Variants in GABRG1 observed in about 807,000 individuals in gnomAD.
The protein encoded by GABRG1 is gamma-aminobutyric acid type A receptor subunit gamma1.
GABRG1 carries 49 observed loss-of-function variants against 49.8 expected under a neutral mutation model. The ratio of observed to expected loss-of-function variants is 0.98; its 90% CI spans 0.78 to 1.25. The LOEUF is 1.25. Ranked by LOEUF, GABRG1 falls within the 50% of genes most tolerant of loss-of-function variation. GABRG1 has a pLI of 0.00. For synonymous variants in GABRG1, 232 were observed against 185.1 expected (o/e 1.25, Z -2.06); for missense variants, 552 against 552.3 (o/e 1.00, Z 0.01).
In GABRG1 at chr4:46,123,790, A is replaced by C; in HGVS notation, c.104+20T>G. 1 of 1,564,090 alleles carries C rather than the reference A, an allele frequency of 6.4e-7. No homozygotes were observed. On this transcript the variant is annotated intron_variant, in intron 1 of 8. Coordinates refer to ENST00000295452, the MANE Select transcript of GABRG1 (RefSeq NM_173536.4). ...GGGGTAGATAGCAAAGAATAGTTTTAAACCCCTGAATTTACTCACCAGTTT... is the reference window on the plus strand; with the variant it reads ...GGGGTAGATAGCAAAGAATAGTTTTCAACCCCTGAATTTACTCACCAGTTT...
At chr4:46,106,288 T>G (rs1312712872) in intron 1 of GABRG1, among the ~76,000 whole-genome samples, 1 of 151,398 alleles carries the variant, frequency 6.6e-6, no homozygotes, top group African/African-American at 2.4e-5. Flanking sequence ...TCACCAAGAC[T>G]GCCCCATCCC....
Position 46,041,030 on chromosome 4 carries a change from G to T in GABRG1, c.1356C>A (p.Ala452=). 2 of 1,612,698 alleles carry T rather than the reference G, an allele frequency of 1.2e-6. No individual in the cohort carries two copies. Among genetic ancestry groups the T allele is most frequent in the Non-Finnish European group, 1.7e-6 (2 of 1,179,162 alleles). ...CAACCCAATAAACCAAGTTGAACAG[G>T]GCAAAAGCGGTTGGGAAAAATATTC... ...YSRIFFPTAF[A]LFNLVYWVGY... is the part of the protein sequence containing the mutation. Residue 452 remains alanine (A), a synonymous_variant, in exon 9 of 9, where the codon GCC becomes GCA. Coordinates refer to ENST00000295452, the MANE Select transcript of GABRG1 (RefSeq NM_173536.4).
intron 3 of GABRG1, among the ~76,000 whole-genome samples, chr4:46,075,557 C>T (rs1290383274): frequency 6.6e-6 from 1 of 151,954 alleles, no homozygotes; most frequent in Admixed American, 6.6e-5. Context: ...AATCCCCTGG[C>T]CTGAGAACTT....
At chr4:46,088,998 A>G (rs529135953) in intron 2 of GABRG1, among the ~76,000 whole-genome samples, 27 of 152,056 alleles carry the variant, frequency 1.8e-4, no homozygotes, top group Admixed American at 2.6e-4. Context: ...AAGAAGAAAA[A>G]GCAGAGGAAG....
chr4:46,093,407 C>T (rs1339514740), intron 2 of GABRG1, among the ~76,000 whole-genome samples: 4 of 151,880 alleles, frequency 2.6e-5, no homozygotes, highest in Non-Finnish European at 4.4e-5. Flanking sequence ...AAAATCAAAA[C>T]AATTGAACTC....
At position 46,095,534 on chromosome 4, in the gene GABRG1, G is replaced by GA. The variant is rs61196786; in HGVS notation, c.253+1666dup. ...AAAAAATCCTAAAGGCTTCCAGGAG[G>GA]AAAAAAAAAGACTAAGTAAATTACA... On this transcript the variant is annotated intron_variant, in intron 2 of 8. Coordinates refer to ENST00000295452, the MANE Select transcript of GABRG1 (RefSeq NM_173536.4). Among the ~76,000 whole-genome samples the GA allele has an allele frequency of 4.4e-4, 66 of 149,212 alleles. 1 individual carries two copies. In the South Asian group the frequency reaches 7.8e-3, roughly 18 times the overall value.
intron 1 of GABRG1, among the ~76,000 whole-genome samples, chr4:46,117,623 T>A (rs181289076): frequency 6.9e-6 from 1 of 144,916 alleles, no homozygotes; most frequent in South Asian, 2.1e-4. Context: ...TATATATATA[T>A]ACACATATGT....
At position 46,035,904 on chromosome 4, in the gene GABRG1, C is replaced by T. The variant is rs1275963782; in HGVS notation, c.*5084G>A. On this transcript the variant is annotated 3_prime_UTR_variant, in exon 9 of 9. Transcript: ENST00000295452. ...ACAAATGTTCCTCAAAACAATGAGG[C>T]AGTAGCAGAATAACAGAAGCCATTA... The T allele has an allele frequency of 1.3e-5, 2 of 151,826 alleles. No individual in the cohort carries two copies. The highest frequency in any genetic ancestry group is 2.9e-5 in the Non-Finnish European group (2 of 67,854). The allele number at this position is 151,826 out of a possible 1,614,324, so 9.4% of individuals were successfully genotyped here.
At chr4:46,043,194 T>A (rs904449345) in intron 8 of GABRG1, among the ~76,000 whole-genome samples, 2 of 151,956 alleles carry the variant, frequency 1.3e-5, no homozygotes, top group Non-Finnish European at 2.9e-5. Context: ...ATATGGTGTG[T>A]TTTTCAGAGG....
chr4:46,043,197 T>C (rs1454658002), intron 8 of GABRG1, among the ~76,000 whole-genome samples: 4 of 151,966 alleles, frequency 2.6e-5, no homozygotes, highest in African/African-American at 7.2e-5. Context: ...TGGTGTGTTT[T>C]TCAGAGGATA....
At chr4:46,123,348 C>T (rs905753980) in intron 1 of GABRG1, among the ~76,000 whole-genome samples, 1 of 151,920 alleles carries the variant, frequency 6.6e-6, no homozygotes, top group African/African-American at 2.4e-5. Context: ...CAGAAAGTTA[C>T]CAAAAACGAG....
intron 3 of GABRG1, among the ~76,000 whole-genome samples, chr4:46,070,249 TCTGCATCATGCTCAATCAACATTTCCTA>T (rs1577646131): frequency 6.6e-6 from 1 of 151,994 alleles, no homozygotes; most frequent in East Asian, 1.9e-4. Context: ...GTGTTAATTT[TCTGCATCATGCTCAATCAACATTTCCTA>T]CTGGAAATAT....
chr4:46,084,172 T>C (rs1719670103), intron 2 of GABRG1, 119 bp from the exon 3 acceptor site: 3 of 610,742 alleles, frequency 4.9e-6, no homozygotes, highest in Admixed American at 6.8e-5. Flanking sequence ...TCATAAAACA[T>C]CTTTTATTAT....
At chr4:46,052,948 G>A (rs1016667311) in intron 7 of GABRG1, among the ~76,000 whole-genome samples, 1 of 151,766 alleles carries the variant, frequency 6.6e-6, no homozygotes, top group African/African-American at 2.4e-5. Flanking sequence ...TATTAAAGGT[G>A]AAACAGTTGT....
At chr4:46,092,925 C>T (rs1720038661) in intron 2 of GABRG1, among the ~76,000 whole-genome samples, 2 of 151,604 alleles carry the variant, frequency 1.3e-5, no homozygotes, top group South Asian at 2.1e-4. Flanking sequence ...CAAAATTAGC[C>T]GGACATGGTG....
chr4:46,109,724 T>A (rs1055813681), intron 1 of GABRG1, among the ~76,000 whole-genome samples: 20 of 151,196 alleles, frequency 1.3e-4, no homozygotes, highest in African/African-American at 4.8e-4. Flanking sequence ...TCTGTCTTCA[T>A]TTATTTCAAA....
chr4:46,052,238 A>G (rs1718254232), intron 7 of GABRG1, among the ~76,000 whole-genome samples: 1 of 151,734 alleles, frequency 6.6e-6, no homozygotes, highest in South Asian at 2.1e-4. Context: ...TAAAAAAAAA[A>G]AAGAAATACC....
intron 2 of GABRG1, among the ~76,000 whole-genome samples, chr4:46,096,241 A>G (rs1310073318): frequency 6.6e-6 from 1 of 151,788 alleles, no homozygotes; most frequent in Non-Finnish European, 1.5e-5. Flanking sequence ...GAGAAGAAAA[A>G]AAGAAAATAG....
intron 3 of GABRG1, among the ~76,000 whole-genome samples, chr4:46,075,056 T>C (rs968683078): frequency 2.6e-5 from 4 of 151,726 alleles, no homozygotes; most frequent in African/African-American, 9.7e-5. Flanking sequence ...GAAAACATTA[T>C]AAAATATTAG....
Sources: allele counts gnomAD v4.1 joint callset (sites outside exome capture counted in the v4.1 genomes callset), GRCh38; gene constraint gnomAD v4.1.1; transcripts MANE v1.5; gene names NCBI Gene and HGNC (gene_info 2026-07-23, HGNC 2026-07-21).